SMOC1: variants seen among roughly 807,000 people sequenced by gnomAD.
SMOC1 encodes the protein SPARC related modular calcium binding 1.
A neutral mutation model predicts 56.3 loss-of-function variants in SMOC1; 22 were observed. The observed-to-expected ratio is 0.39, with a 90% CI of 0.28 to 0.56. The LOEUF (loss-of-function observed/expected upper bound fraction) is 0.56, where lower values mean the gene tolerates loss of function less well. Among genes scored for constraint, SMOC1 ranks in the 20% least tolerant of loss-of-function variants. The pLI, the probability that SMOC1 is intolerant of heterozygous loss-of-function variation, is 0.61. For synonymous variants in SMOC1, 193 were observed against 215.0 expected (o/e 0.90, Z 0.89); for missense variants, 509 against 565.4 (o/e 0.90, Z 1.01).
intron 1 of SMOC1, among the ~76,000 whole-genome samples, chr14:69,882,780 T>C (rs1883680343): frequency 6.6e-6 from 1 of 152,208 alleles, no homozygotes; most frequent in Non-Finnish European, 1.5e-5. Context: ...GAACTGTTTC[T>C]GTCTTGTCCA....
chr14:69,973,441 T>C (rs909952611), intron 3 of SMOC1, among the ~76,000 whole-genome samples: 1 of 152,196 alleles, frequency 6.6e-6, no homozygotes, highest in Non-Finnish European at 1.5e-5. Flanking sequence ...TCCACGTCTA[T>C]CTGGATTTTT....
At chr14:69,990,834 C>G (rs1884540113) in intron 5 of SMOC1, among the ~76,000 whole-genome samples, 1 of 152,178 alleles carries the variant, frequency 6.6e-6, no homozygotes, top group African/African-American at 2.4e-5. Context: ...ACTTTGGCTT[C>G]TGCAAGAGTT....
chr14:70,013,914 T>G (rs923709842), intron 10 of SMOC1, among the ~76,000 whole-genome samples: 2 of 152,224 alleles, frequency 1.3e-5, no homozygotes, highest in Non-Finnish European at 2.9e-5. Flanking sequence ...AATGCCTTTT[T>G]GGCATCCTGA....
At chr14:70,014,199 T>C (rs1885430219) in intron 10 of SMOC1, among the ~76,000 whole-genome samples, 1 of 152,186 alleles carries the variant, frequency 6.6e-6, no homozygotes, top group African/African-American at 2.4e-5. Flanking sequence ...GATAGAGGCA[T>C]GTCCCACCTT....
chr14:69,958,946 C>T (rs1883277903), intron 3 of SMOC1, among the ~76,000 whole-genome samples: 1 of 152,074 alleles, frequency 6.6e-6, no homozygotes, highest in Non-Finnish European at 1.5e-5. Flanking sequence ...TAAATATTTT[C>T]ATTTTTTTCT....
At chr14:69,899,077 C>A (rs1275780896) in intron 1 of SMOC1, among the ~76,000 whole-genome samples, 3 of 152,102 alleles carry the variant, frequency 2.0e-5, no homozygotes, top group Non-Finnish European at 4.4e-5. Flanking sequence ...CTAGGGTGGG[C>A]TGGAGTTTAT....
At chr14:69,998,005 C>T (rs1005232866) in intron 7 of SMOC1, among the ~76,000 whole-genome samples, 9 of 152,164 alleles carry the variant, frequency 5.9e-5, no homozygotes, top group East Asian at 1.9e-4. Flanking sequence ...GACCCTGTGA[C>T]GCCAGGTTTG....
chr14:69,952,971 T>C (rs1216708408), intron 2 of SMOC1, among the ~76,000 whole-genome samples: 1 of 152,200 alleles, frequency 6.6e-6, no homozygotes, highest in Non-Finnish European at 1.5e-5. Flanking sequence ...TATTTGAATT[T>C]GTGACCCCGG....
At chr14:69,965,950 A>G (rs1883560336) in intron 3 of SMOC1, among the ~76,000 whole-genome samples, 1 of 152,248 alleles carries the variant, frequency 6.6e-6, no homozygotes, top group South Asian at 2.1e-4. Context: ...TGAAGGGATC[A>G]GAATTTTTTT....
intron 2 of SMOC1, 51 bp from the exon 3 acceptor site, chr14:69,953,369 C>T: frequency 1.9e-6 from 3 of 1,555,198 alleles, no homozygotes; most frequent in Non-Finnish European, 2.7e-6. Flanking sequence ...GTCCCTCGGC[C>T]CCAGTGTCGA....
intron 1 of SMOC1, among the ~76,000 whole-genome samples, chr14:69,905,629 C>A (rs187433316): frequency 6.6e-6 from 1 of 152,124 alleles, no homozygotes; most frequent in East Asian, 1.9e-4. Flanking sequence ...AGAGACCATG[C>A]GCATCTGAGT....
intron 2 of SMOC1, 70 bp from the exon 3 acceptor site, chr14:69,953,350 A>G (rs1883072680): frequency 2.7e-6 from 4 of 1,457,504 alleles, no homozygotes; most frequent in South Asian, 2.3e-5. Flanking sequence ...TGGTTTTCTC[A>G]GCCATTTTGT....
intron 10 of SMOC1, among the ~76,000 whole-genome samples, chr14:70,014,696 T>C (rs1566711646): frequency 1.3e-5 from 2 of 152,174 alleles, no homozygotes; most frequent in South Asian, 4.1e-4. Flanking sequence ...GTGTCTAGGC[T>C]CCTTACAGCA....
intron 1 of SMOC1, among the ~76,000 whole-genome samples, chr14:69,914,864 T>TCA (rs1411611517): frequency 2.0e-4 from 29 of 147,058 alleles, no homozygotes; most frequent in Non-Finnish European, 3.7e-4. Context: ...CTAATTTATT[T>TCA]TATTCATTCA....
chr14:69,933,540 G>GT (rs1169228645), intron 1 of SMOC1, among the ~76,000 whole-genome samples: 2 of 151,610 alleles, frequency 1.3e-5, no homozygotes, highest in African/African-American at 2.4e-5. Context: ...TTTTGTTTTT[G>GT]TTTTTTTTAG....
chr14:70,029,678 G>A (rs971814893), intron 11 of SMOC1, among the ~76,000 whole-genome samples: 1 of 152,206 alleles, frequency 6.6e-6, no homozygotes, highest in South Asian at 2.1e-4. Context: ...GCAGGTGGTA[G>A]CCTTGGCAGT....
chr14:69,975,644 G>A (rs987827836), intron 3 of SMOC1, 71 bp from the exon 4 acceptor site: 43 of 1,073,648 alleles, frequency 4.0e-5, no homozygotes, highest in Non-Finnish European at 5.9e-5. Context: ...TGCTTTGAAA[G>A]GGGTTGGAGA....
chr14:70,021,154 T>C lies in SMOC1; in HGVS notation c.1047-2049T>C, dbSNP rs1885709122. Among the ~76,000 whole-genome samples, 3 of 152,336 alleles carry C rather than the reference T, an allele frequency of 2.0e-5. No homozygotes were observed. The South Asian group carries it at 6.2e-4, about 32-fold the overall frequency. ...AGGAGGGGCTGAGCAGGAAGGTCCC[T>C]GACTGCCTCCCTCATTGCTTGAGAG... On this transcript the variant is annotated intron_variant, in intron 10 of 11. Transcript: ENST00000361956.
chr14:69,944,299 T>G (rs1286094427), intron 1 of SMOC1, among the ~76,000 whole-genome samples: 1 of 152,144 alleles, frequency 6.6e-6, no homozygotes, highest in Non-Finnish European at 1.5e-5. Flanking sequence ...GCAGCAGCAT[T>G]TACCCCGGAA....
Sources: gnomAD v4.1 joint callset for allele counts (sites outside exome capture counted in the v4.1 genomes callset) on GRCh38, gnomAD v4.1.1 for gene constraint, MANE v1.5 for transcripts, NCBI Gene and HGNC (gene_info 2026-07-23, HGNC 2026-07-21) for gene names.